KIAA0825: variants seen among roughly 807,000 people sequenced by gnomAD.
KIAA0825 encodes the protein uncharacterized protein KIAA0825.
In KIAA0825, 119 loss-of-function variants were observed where a neutral mutation model predicts 147.6. The observed-to-expected ratio is 0.81, with a 90% confidence interval of 0.69 to 0.94. KIAA0825 has a LOEUF of 0.94. Ranked by LOEUF, KIAA0825 falls within the 40% of genes least tolerant of loss-of-function variation. The pLI, the probability that KIAA0825 is intolerant of heterozygous loss-of-function variation, is 0.00. For synonymous variants in KIAA0825, 470 were observed against 518.1 expected (o/e 0.91, Z 1.26); for missense variants, 1,381 against 1,472.7 (o/e 0.94, Z 1.02).
chr5:94,269,172 G>A (rs76640109), intron 20 of KIAA0825, among the ~76,000 whole-genome samples: 4,098 of 152,062 alleles, frequency 0.027, 78 homozygotes, highest in Middle Eastern at 0.071. Context: ...TGAGAGCTCC[G>A]TAAAGACATA....
chr5:94,388,584 A>G (rs1055288167), intron 18 of KIAA0825, among the ~76,000 whole-genome samples: 6 of 152,228 alleles, frequency 3.9e-5, no homozygotes, highest in African/African-American at 1.4e-4. Flanking sequence ...GTTTTGGCTA[A>G]TAACAATCTG....
chr5:94,615,438 C>A (rs1314674915), intron 1 of KIAA0825: 1 of 151,976 alleles, frequency 6.6e-6, no homozygotes, highest in East Asian at 1.9e-4. Context: ...GGATCAGAGC[C>A]CTTCATTCAA....
Position 94,506,854 on chromosome 5 carries a change from T to C in KIAA0825, c.970+13394A>G, listed in dbSNP as rs549482040. On this transcript the variant is annotated intron_variant, in intron 5 of 20. Coordinates refer to ENST00000682413, the MANE Select transcript of KIAA0825 (RefSeq NM_001145678.3). ...AAGCCTGAAAACACGCCACACTTCA[T>C]TGGAATAAACCAGTTTCAGTACAAA... 2.6e-5 allele frequency among the ~76,000 whole-genome samples: 4 copies of C among 152,286 alleles called. No individual in the cohort carries two copies. The South Asian group carries it at 8.3e-4, about 32-fold the overall frequency.
At chr5:94,613,418 C>T (rs545864454) in intron 1 of KIAA0825, among the ~76,000 whole-genome samples, 3 of 152,212 alleles carry the variant, frequency 2.0e-5, no homozygotes, top group South Asian at 2.1e-4. Flanking sequence ...AGGCTGGTCT[C>T]GGACTCCTTG....
chr5:94,416,485 C>T (rs926630297), intron 15 of KIAA0825: 53 of 152,200 alleles, frequency 3.5e-4, no homozygotes, highest in African/African-American at 1.3e-3. Context: ...ATTTGAATAG[C>T]AGGATAATAA....
At chr5:94,227,097 C>T (rs929036788) in intron 20 of KIAA0825, among the ~76,000 whole-genome samples, 8 of 152,176 alleles carry the variant, frequency 5.3e-5, no homozygotes, top group East Asian at 1.9e-4. Flanking sequence ...CACATGCACA[C>T]GTATGTTTAT....
At chr5:94,438,339 C>T (rs908361885) in intron 14 of KIAA0825, among the ~76,000 whole-genome samples, 1 of 152,162 alleles carries the variant, frequency 6.6e-6, no homozygotes, top group Admixed American at 6.5e-5. Flanking sequence ...AAATGCTTAG[C>T]ATAGTGCTTG....
chr5:94,513,757 C>T (rs1205892533), intron 5 of KIAA0825, among the ~76,000 whole-genome samples: 1 of 151,670 alleles, frequency 6.6e-6, no homozygotes, highest in African/African-American at 2.4e-5. Context: ...TCCCCTTATA[C>T]CCATAAATAT....
At chr5:94,507,178 G>A (rs940881767) in intron 5 of KIAA0825, among the ~76,000 whole-genome samples, 6 of 152,092 alleles carry the variant, frequency 3.9e-5, no homozygotes, top group African/African-American at 7.2e-5. Context: ...GGCTGAGCGC[G>A]GTGGCTCACG....
intron 20 of KIAA0825, among the ~76,000 whole-genome samples, chr5:94,370,024 T>C (rs1746443549): frequency 6.6e-6 from 1 of 152,186 alleles, no homozygotes; most frequent in Non-Finnish European, 1.5e-5. Context: ...CCTATGTTCA[T>C]GCAAAACCTG....
intron 20 of KIAA0825, among the ~76,000 whole-genome samples, chr5:94,368,659 T>A (rs1386370237): frequency 6.6e-6 from 1 of 152,138 alleles, no homozygotes; most frequent in African/African-American, 2.4e-5. Context: ...GTGTGAGAAA[T>A]GTTTAGAGGA....
At chr5:94,226,098 T>G (rs529469210) in intron 20 of KIAA0825, among the ~76,000 whole-genome samples, 1 of 152,246 alleles carries the variant, frequency 6.6e-6, no homozygotes, top group African/African-American at 2.4e-5. Flanking sequence ...GGGAGAAAAG[T>G]TTTGCCATCT....
chr5:94,580,594 C>CATAAGATTTTACTTTCATTTACTTTCTAT (rs1584952113), intron 2 of KIAA0825, among the ~76,000 whole-genome samples: 1 of 108,916 alleles, frequency 9.2e-6, no homozygotes, highest in African/African-American at 4.4e-5. Context: ...ATGCATAACA[C>CATAAGATTTTACTTTCATTTACTTTCTAT]GGCCGGGCGC....
At chr5:94,375,600 G>C (rs1418654073) in intron 20 of KIAA0825, among the ~76,000 whole-genome samples, 2 of 152,082 alleles carry the variant, frequency 1.3e-5, no homozygotes, top group Non-Finnish European at 2.9e-5. Context: ...ACTAGAAAAG[G>C]GCTCTTTTTC....
At chr5:94,569,750 T>A (rs58561035) in intron 2 of KIAA0825, 2 of 268,052 alleles carry the variant, frequency 7.5e-6, no homozygotes, top group South Asian at 3.2e-4. Flanking sequence ...CCACATCACC[T>A]GAGACGTAAA....
intron 13 of KIAA0825, among the ~76,000 whole-genome samples, chr5:94,447,671 A>G (rs1757906245): frequency 6.6e-6 from 1 of 152,168 alleles, no homozygotes; most frequent in Non-Finnish European, 1.5e-5. Flanking sequence ...CATCTTGCTA[A>G]ACTAAATAAA....
rs148164383 is a variant in KIAA0825 at position 94,324,415 on chromosome 5, G to A, written c.3710+59953C>T. 3.7e-3 allele frequency among the ~76,000 whole-genome samples: 557 copies of A among 152,004 alleles called. 1 individual carries two copies. Among genetic ancestry groups the A allele is most frequent in the Non-Finnish European group, 5.4e-3 (369 of 67,882 alleles). On this transcript the variant is annotated intron_variant, in intron 20 of 20. Coordinates refer to ENST00000682413, the MANE Select transcript of KIAA0825 (RefSeq NM_001145678.3). Reference sequence around the variant, plus strand: ...CAATAACCAAATATGCTATGATTCCGTATGCCCTTCTGTGAGATAAAGAGG... The same window carrying A: ...CAATAACCAAATATGCTATGATTCCATATGCCCTTCTGTGAGATAAAGAGG...
At chr5:94,239,390 T>C (rs956184663) in intron 20 of KIAA0825, among the ~76,000 whole-genome samples, 34 of 152,218 alleles carry the variant, frequency 2.2e-4, no homozygotes, top group Non-Finnish European at 2.9e-5. Context: ...CAGGAACACA[T>C]TGAGAGATCT....
intron 20 of KIAA0825, among the ~76,000 whole-genome samples, chr5:94,318,683 G>A (rs146277972): frequency 2.0e-5 from 3 of 151,968 alleles, no homozygotes; most frequent in Non-Finnish European, 4.4e-5. Flanking sequence ...AACAGATCAG[G>A]AAGAGTAAAG....
Sources: gnomAD v4.1 joint callset for allele counts (sites outside exome capture counted in the v4.1 genomes callset) on GRCh38, gnomAD v4.1.1 for gene constraint, MANE v1.5 for transcripts, NCBI Gene and HGNC (gene_info 2026-07-23, HGNC 2026-07-21) for gene names.